The following TUB variants were observed in gnomAD, a reference collection of about 807,000 sequenced individuals.
TUB encodes the protein tubby protein homolog.
TUB carries 33 observed loss-of-function variants against 59.7 expected under a neutral mutation model. The observed-to-expected ratio is 0.55, with a 90% CI of 0.42 to 0.74. The LOEUF (loss-of-function observed/expected upper bound fraction) is 0.74. Among genes scored for constraint, TUB ranks in the 30% least tolerant of loss-of-function variants. The pLI is 0.00. For missense variants in TUB, 659 were observed against 672.0 expected, an observed-to-expected ratio of 0.98 and a Z score of 0.21; for synonymous variants, 293 against 256.4, an observed-to-expected ratio of 1.14 and a Z score of -1.36.
At chr11:8,082,198 C>G (rs968807503) in intron 1 of TUB, among the ~76,000 whole-genome samples, 5 of 152,110 alleles carry the variant, frequency 3.3e-5, no homozygotes, top group African/African-American at 9.7e-5. Flanking sequence ...AATCTACTTG[C>G]TAGCAGGTCT....
At chr11:8,071,656 C>T (rs935212929) in intron 2 of TUB, among the ~76,000 whole-genome samples, 18 of 152,118 alleles carry the variant, frequency 1.2e-4, no homozygotes, top group Admixed American at 6.5e-4. Flanking sequence ...TCTGTCAGAG[C>T]CAGGAGGATG....
chr11:8,052,774 C>T (rs763745632), intron 2 of TUB, among the ~76,000 whole-genome samples: 23 of 152,170 alleles, frequency 1.5e-4, no homozygotes, highest in South Asian at 8.3e-4. Context: ...TGTGCCCGGC[C>T]GGACCTTTTT....
upstream of TUB, among the ~76,000 whole-genome samples, chr11:8,079,459 C>G: frequency 6.6e-6 from 1 of 151,988 alleles, no homozygotes; most frequent in East Asian, 1.9e-4. Flanking sequence ...ACAAAACAGC[C>G]CTGCTTTCTG....
chr11:8,082,063 A>G (rs1943578918), intron 1 of TUB, among the ~76,000 whole-genome samples: 1 of 152,228 alleles, frequency 6.6e-6, no homozygotes, highest in African/African-American at 2.4e-5. Context: ...TCTACACACA[A>G]GAATTCTTGG....
chr11:8,019,413 G>A, intron 1 of TUB: 1 of 1,227,284 alleles, frequency 8.1e-7, no homozygotes, highest in Non-Finnish European at 1.0e-6. Flanking sequence ...TCGATCTCCT[G>A]CGGGAGAAGC....
In TUB at chr11:8,089,620, G is replaced by C. The variant is rs369739225; in HGVS notation, c.49G>C (p.Asp17His). Residue 17 changes from aspartate (D) to histidine (H), a missense_variant, in exon 2 of 12, where the codon GAT (aspartate) becomes CAT (histidine). Asp to His is a moderately conservative substitution (Grantham distance 81). Around this residue, in one of 3 missense-constraint regions of TUB, gnomAD observed 321 missense variants for 304.3 expected, o/e 1.05. Coordinates refer to ENST00000299506, the MANE Select transcript of TUB (RefSeq NM_177972.3). The part of the protein sequence containing the change: ...SDWIPYSVLD[D>H]EGRNLRQQKL... Reference sequence around the variant, plus strand: ...TCTTTCGCTCTGCAGTGTCTTAGATGATGAGGGCAGAAACCTGAGGCAGCA... The same window carrying C: ...TCTTTCGCTCTGCAGTGTCTTAGATCATGAGGGCAGAAACCTGAGGCAGCA... The C allele has an allele frequency of 4.3e-6, 7 of 1,614,088 alleles. No homozygotes were observed. Among genetic ancestry groups the C allele is most frequent in the Non-Finnish European group, 5.9e-6 (7 of 1,180,042 alleles).
chr11:8,096,857 G>A (rs779398566), intron 6 of TUB, 51 bp downstream of exon 6: 45 of 1,594,966 alleles, frequency 2.8e-5, no homozygotes, highest in South Asian at 9.9e-5. Flanking sequence ...CTGCTCATCC[G>A]TTAGAGGTGG....
At chr11:8,055,846 T>C (rs767031261) in intron 2 of TUB, among the ~76,000 whole-genome samples, 28 of 152,320 alleles carry the variant, frequency 1.8e-4, no homozygotes, top group Non-Finnish European at 3.8e-4. Flanking sequence ...AGCCCTGGCC[T>C]CCCTGCTCAC....
intron 4 of TUB, among the ~76,000 whole-genome samples, 178 bp from the exon 5 acceptor site, chr11:8,095,320 C>T (rs1191909500): frequency 2.0e-5 from 3 of 152,212 alleles, no homozygotes; most frequent in African/African-American, 7.2e-5. Context: ...ACATCCCTTA[C>T]TAGCTTACCA....
exon 1 of TUB, chr11:8,038,757 C>T (rs1190644506): frequency 2.7e-6 from 4 of 1,507,786 alleles, no homozygotes; most frequent in Non-Finnish European, 3.5e-6. Flanking sequence ...TGAAGGGAGA[C>T]ATCCAAGTGC....
intron 1 of TUB, among the ~76,000 whole-genome samples, chr11:8,024,247 A>G (rs1440659890): frequency 6.6e-6 from 1 of 152,178 alleles, no homozygotes; most frequent in South Asian, 2.1e-4. Flanking sequence ...GCGTGGATCA[A>G]TGTTAAAATC....
chr11:8,083,593 A>G (rs1943611302), intron 1 of TUB, among the ~76,000 whole-genome samples: 2 of 151,744 alleles, frequency 1.3e-5, no homozygotes, highest in Admixed American at 1.3e-4. Flanking sequence ...CCCAGGTCCA[A>G]CTACTATCTC....
intron 2 of TUB, among the ~76,000 whole-genome samples, chr11:8,046,162 A>G (rs1027443602): frequency 1.3e-5 from 2 of 151,938 alleles, no homozygotes; most frequent in Non-Finnish European, 2.9e-5. Flanking sequence ...AACCCTTTCC[A>G]GGGAATAATC....
chr11:8,088,813 G>A (rs12279558), intron 1 of TUB, among the ~76,000 whole-genome samples: 1,566 of 152,350 alleles, frequency 0.01, 31 homozygotes, highest in African/African-American at 0.035. Context: ...TGGCCAGTGC[G>A]GGTGAGATGA....
intron 2 of TUB, among the ~76,000 whole-genome samples, chr11:8,050,910 A>G (rs115695740): frequency 0.011 from 1,640 of 152,336 alleles, 42 homozygotes; most frequent in African/African-American, 0.037. Flanking sequence ...ACAATTGCAC[A>G]CATATTCTCC....
At chr11:8,052,832 A>G (rs1249736440) in intron 2 of TUB, among the ~76,000 whole-genome samples, 1 of 152,178 alleles carries the variant, frequency 6.6e-6, no homozygotes, top group African/African-American at 2.4e-5. Context: ...AAAGCCATTT[A>G]TTTACAGGTA....
chr11:8,029,903 C>G (rs1464076795), intron 1 of TUB, among the ~76,000 whole-genome samples: 1 of 152,106 alleles, frequency 6.6e-6, no homozygotes, highest in Admixed American at 6.6e-5. Context: ...TGTTTTAGAA[C>G]TTTTTGAGTG....
chr11:8,039,081 TCCAC>T, intron 1 of TUB: 1 of 1,590,828 alleles, frequency 6.3e-7, no homozygotes, highest in Non-Finnish European at 8.5e-7. Context: ...TTGCGTCAGC[TCCAC>T]CCACCCACCC....
chr11:8,088,566 G>A (rs1167931730), intron 1 of TUB, among the ~76,000 whole-genome samples: 2 of 152,240 alleles, frequency 1.3e-5, no homozygotes, highest in African/African-American at 2.4e-5. Flanking sequence ...GGGCACGCCT[G>A]TGCAGGAACC....
Sources: gnomAD v4.1 joint callset for allele counts (sites outside exome capture counted in the v4.1 genomes callset) on GRCh38, gnomAD v4.1.1 for gene constraint, gnomAD v4.1.1 regional missense constraint, MANE v1.5 for transcripts, NCBI Gene and HGNC (gene_info 2026-07-23, HGNC 2026-07-21) for gene names.